NRBF2: variants seen among roughly 807,000 people sequenced by gnomAD.
NRBF2 encodes the protein nuclear receptor binding factor 2.
A neutral mutation model predicts 28.5 loss-of-function variants in NRBF2; 12 were observed. The observed-to-expected ratio is 0.42, with a 90% CI of 0.27 to 0.68. The LOEUF (loss-of-function observed/expected upper bound fraction) is 0.68. Ranked by LOEUF, NRBF2 falls within the 30% of genes least tolerant of loss-of-function variation. NRBF2 has a pLI of 0.24. For synonymous variants in NRBF2, 102 were observed against 116.5 expected (o/e 0.88, Z 0.80); for missense variants, 274 against 333.5 (o/e 0.82, Z 1.39).
intron 3 of NRBF2, 148 bp downstream of exon 3, chr10:63,152,338 G>A (rs542670663): frequency 6.5e-5 from 38 of 580,640 alleles, no homozygotes; most frequent in Admixed American, 6.1e-4. Context: ...ACTTCACAAC[G>A]GAAATTAAAA....
chr10:63,135,953 A>C (rs1274130084), intron 1 of NRBF2, among the ~76,000 whole-genome samples: 1 of 151,976 alleles, frequency 6.6e-6, no homozygotes, highest in African/African-American at 2.4e-5. Context: ...GGACACCTTG[A>C]ATTCTTAAAC....
intron 1 of NRBF2, among the ~76,000 whole-genome samples, chr10:63,135,720 C>T (rs187775726): frequency 5.4e-4 from 81 of 150,102 alleles, no homozygotes; most frequent in African/African-American, 1.9e-3. Context: ...GATCTCAGCT[C>T]ACTGCAACCT....
rs568628438 is a variant in NRBF2, at chr10:63,137,442, C to T, written c.30+3942C>T. Among the ~76,000 whole-genome samples the T allele has an allele frequency of 9.2e-5, 14 of 152,324 alleles. No homozygotes were observed. The South Asian group carries it at 1.2e-3, about 14-fold the overall frequency. On this transcript the variant is annotated intron_variant, in intron 1 of 3. Coordinates refer to ENST00000277746, the MANE Select transcript of NRBF2 (RefSeq NM_030759.5). Reference sequence around the variant, plus strand: ...TTGCTGCTGATTTGGAAAGTGATGTCAGATCTTAATTTATATGTGGCTGTT... The same window carrying T: ...TTGCTGCTGATTTGGAAAGTGATGTTAGATCTTAATTTATATGTGGCTGTT...
intron 1 of NRBF2, among the ~76,000 whole-genome samples, chr10:63,144,638 G>C (rs1049501559): frequency 6.6e-6 from 1 of 151,910 alleles, no homozygotes; most frequent in Non-Finnish European, 1.5e-5. Flanking sequence ...AGATGGTCTC[G>C]ATCTCCTGAC....
At position 63,153,906 on chromosome 10, in the gene NRBF2, C is replaced by T. The variant is rs1420453667; in HGVS notation, c.552C>T (p.Phe184=). 2 of 1,611,912 alleles carry T rather than the reference C, an allele frequency of 1.2e-6. No individual in the cohort carries two copies. The highest frequency in any genetic ancestry group is 1.7e-5 in the Admixed American group (1 of 60,008). Residue 184 remains phenylalanine (F), a synonymous_variant, in exon 4 of 4, where the codon TTC becomes TTT. Transcript: ENST00000277746. ...CAGATTTGAAGAGGCATGTGGAATTCCTTGTGGCTGAGAATGAAAGATTAA... is the reference window on the plus strand; with the variant it reads ...CAGATTTGAAGAGGCATGTGGAATTTCTTGTGGCTGAGAATGAAAGATTAA... ...KIADLKRHVE[F]LVAENERLRK...
At chr10:63,134,285 T>C (rs927000874) in intron 1 of NRBF2, among the ~76,000 whole-genome samples, 1 of 152,200 alleles carries the variant, frequency 6.6e-6, no homozygotes, top group African/African-American at 2.4e-5. Context: ...GCATGAGTTC[T>C]TTTCAGACTG....
rs190362246 is a variant in NRBF2, at chr10:63,148,196, A to G, written c.115+1903A>G. Among the ~76,000 whole-genome samples the G allele has an allele frequency of 1.1e-3, 169 of 152,354 alleles. 1 individual carries two copies. Among genetic ancestry groups the G allele is most frequent in the African/African-American group, 3.8e-3 (156 of 41,586 alleles). On this transcript the variant is annotated intron_variant, in intron 2 of 3. Coordinates refer to ENST00000277746, the MANE Select transcript of NRBF2 (RefSeq NM_030759.5). ...GTTGTAACCTAATCCTTGTCTTTGA[A>G]GACTTAAAACTGATGTTGGGCTTCA...
intron 1 of NRBF2, among the ~76,000 whole-genome samples, chr10:63,141,175 T>A (rs750043590): frequency 6.6e-6 from 1 of 152,194 alleles, no homozygotes; most frequent in Non-Finnish European, 1.5e-5. Context: ...TGGTGGCTCA[T>A]GCCTATAATT....
chr10:63,151,025 C>T (rs942878315), intron 2 of NRBF2, among the ~76,000 whole-genome samples: 2 of 152,192 alleles, frequency 1.3e-5, no homozygotes, highest in Non-Finnish European at 2.9e-5. Flanking sequence ...TTCCTGCTGT[C>T]TGTGTGGCCC....
At chr10:63,149,942 A>AT (rs60700597) in intron 2 of NRBF2, among the ~76,000 whole-genome samples, 15 of 133,370 alleles carry the variant, frequency 1.1e-4, no homozygotes, top group African/African-American at 3.8e-4. Context: ...GTCTCCACAG[A>AT]TTTTTTTTTT....
intron 2 of NRBF2, among the ~76,000 whole-genome samples, chr10:63,147,309 G>A (rs1841577279): frequency 6.6e-6 from 1 of 150,774 alleles, no homozygotes; most frequent in Non-Finnish European, 1.5e-5. Context: ...GTAATTTTCA[G>A]AGAAAATTAA....
chr10:63,143,153 A>G (rs1488134937), intron 1 of NRBF2, among the ~76,000 whole-genome samples: 1 of 152,146 alleles, frequency 6.6e-6, no homozygotes, highest in Non-Finnish European at 1.5e-5. Flanking sequence ...TTTGATTACT[A>G]TTTAAAAAAT....
At chr10:63,135,647 CTTTTTTTTTT>C (rs763603312) in intron 1 of NRBF2, among the ~76,000 whole-genome samples, 5 of 129,460 alleles carry the variant, frequency 3.9e-5, no homozygotes, top group Non-Finnish European at 8.4e-5. Flanking sequence ...ATCTTGAATT[CTTTTTTTTTT>C]TTTTTTTTGA....
At chr10:63,153,441 T>C (rs1841679822) in intron 3 of NRBF2, 70 bp from the exon 4 acceptor site, 2 of 1,146,288 alleles carry the variant, frequency 1.7e-6, no homozygotes, top group Non-Finnish European at 2.5e-6. Context: ...GGATTTTGAA[T>C]AGTGTATGTT....
At chr10:63,133,664 G>T (rs934643007) in intron 1 of NRBF2, among the ~76,000 whole-genome samples, 164 bp downstream of exon 1, 1 of 152,214 alleles carries the variant, frequency 6.6e-6, no homozygotes, top group Admixed American at 6.5e-5. Flanking sequence ...CCCAACTGCG[G>T]CTCCAGGCTA....
At chr10:63,138,495 A>G (rs1841409561) in intron 1 of NRBF2, among the ~76,000 whole-genome samples, 1 of 151,792 alleles carries the variant, frequency 6.6e-6, no homozygotes, top group South Asian at 2.1e-4. Flanking sequence ...AAAAAAAAAA[A>G]AAAAATTGGG....
At chr10:63,148,019 G>C (rs923248542) in intron 2 of NRBF2, among the ~76,000 whole-genome samples, 1 of 152,070 alleles carries the variant, frequency 6.6e-6, no homozygotes, top group African/African-American at 2.4e-5. Context: ...AGAAAACCAT[G>C]TTTTATATGG....
rs370477777 is a variant in NRBF2, at chr10:63,140,534, C to G, written c.31-5675C>G. On this transcript the variant is annotated intron_variant, in intron 1 of 3. Coordinates refer to ENST00000277746, the MANE Select transcript of NRBF2 (RefSeq NM_030759.5). Reference sequence around the variant, plus strand: ...CTGAGCTTCTGATCCTCCTACCAGTCCCTCCTGTAGCTGGGACTACAGGTG... The same window carrying G: ...CTGAGCTTCTGATCCTCCTACCAGTGCCTCCTGTAGCTGGGACTACAGGTG... 3.1e-4 allele frequency among the ~76,000 whole-genome samples: 47 copies of G among 152,156 alleles called. No individual in the cohort carries two copies. In the East Asian group the frequency reaches 4.8e-3, roughly 16 times the overall value.
chr10:63,148,090 ATATGT>A (rs1208737546), intron 2 of NRBF2, among the ~76,000 whole-genome samples: 1 of 152,194 alleles, frequency 6.6e-6, no homozygotes, highest in African/African-American at 2.4e-5. Flanking sequence ...TATATATAAC[ATATGT>A]TAAGTGGAGT....
Sources: gnomAD v4.1 joint callset for allele counts (sites outside exome capture counted in the v4.1 genomes callset) on GRCh38, gnomAD v4.1.1 for gene constraint, MANE v1.5 for transcripts, NCBI Gene and HGNC (gene_info 2026-07-23, HGNC 2026-07-21) for gene names.